The following CLIP4 variants were observed in gnomAD, a reference collection of about 807,000 sequenced individuals.
The protein encoded by CLIP4 is CAP-Gly domain containing linker protein family member 4.
A neutral mutation model predicts 73.1 loss-of-function variants in CLIP4; 47 were observed. The observed-to-expected ratio is 0.64, with a 90% confidence interval of 0.51 to 0.82. The LOEUF is 0.82. CLIP4 is among the 40% of genes least tolerant of loss of function. CLIP4 has a pLI of 0.00. For synonymous variants in CLIP4, 306 were observed against 295.4 expected, an observed-to-expected ratio of 1.04 and a Z score of -0.37; for missense variants, 874 against 852.9, an observed-to-expected ratio of 1.02 and a Z score of -0.31.
At chr2:29,132,546 C>A in intron 4 of CLIP4, 1 of 319,414 alleles carries the variant, frequency 3.1e-6, no homozygotes, top group East Asian at 6.0e-5. Context: ...CAAGGTTTGA[C>A]AGTCCAAGGT....
chr2:29,174,349 G>C, intron 14 of CLIP4, 24 bp from the exon 15 acceptor site: 1 of 1,587,422 alleles, frequency 6.3e-7, no homozygotes, highest in Non-Finnish European at 8.6e-7. Flanking sequence ...TTTTTCCTCT[G>C]CTAACCCCAA....
intron 14 of CLIP4, among the ~76,000 whole-genome samples, chr2:29,168,899 T>A (rs1667812442): frequency 1.3e-5 from 2 of 152,182 alleles, no homozygotes; most frequent in Admixed American, 6.5e-5. Flanking sequence ...TCTAAAAGAT[T>A]TATATTTTTG....
chr2:29,137,098 G>A (rs2147969624), intron 6 of CLIP4, among the ~76,000 whole-genome samples: 1 of 152,044 alleles, frequency 6.6e-6, no homozygotes, highest in Non-Finnish European at 1.5e-5. Context: ...ATATTGCCTG[G>A]TGCTGAGGTT....
chr2:29,109,059 T>G (rs1668311777), intron 1 of CLIP4, among the ~76,000 whole-genome samples: 1 of 152,222 alleles, frequency 6.6e-6, no homozygotes, highest in Non-Finnish European at 1.5e-5. Flanking sequence ...CCTCATGGTG[T>G]TTTTTAAAAA....
chr2:29,143,366 A>G (rs1418289673), intron 6 of CLIP4, among the ~76,000 whole-genome samples: 1 of 147,994 alleles, frequency 6.8e-6, no homozygotes, highest in Non-Finnish European at 1.5e-5. Context: ...CCCTACAACC[A>G]TCTCTGTCTC....
At chr2:29,145,658 C>G (rs1368315908) in intron 8 of CLIP4, among the ~76,000 whole-genome samples, 3 of 152,098 alleles carry the variant, frequency 2.0e-5, no homozygotes, top group African/African-American at 7.2e-5. Context: ...GTTAGCCTTG[C>G]ATTAGATCAG....
chr2:29,125,321 C>G (rs984547400), intron 2 of CLIP4, among the ~76,000 whole-genome samples: 4 of 152,186 alleles, frequency 2.6e-5, no homozygotes, highest in Non-Finnish European at 5.9e-5. Context: ...TCCCTGTAGT[C>G]CTTATGGATG....
intron 12 of CLIP4, among the ~76,000 whole-genome samples, chr2:29,163,300 AAAAAG>A (rs1198796829): frequency 2.6e-5 from 4 of 152,088 alleles, no homozygotes; most frequent in East Asian, 1.9e-4. Context: ...CTTGGGTGGA[AAAAAG>A]AAAAGAAAAA....
At chr2:29,125,750 A>G (rs898257998) in intron 2 of CLIP4, among the ~76,000 whole-genome samples, 2 of 151,966 alleles carry the variant, frequency 1.3e-5, no homozygotes, top group African/African-American at 4.8e-5. Flanking sequence ...TGTCTTGAAA[A>G]CCATTGTTCT....
chr2:29,155,420 A>G (rs77616591), intron 9 of CLIP4, among the ~76,000 whole-genome samples: 3,446 of 147,684 alleles, frequency 0.023, 138 homozygotes, highest in African/African-American at 0.08. Context: ...ACACACACAC[A>G]CACACAAGAG....
intron 14 of CLIP4, among the ~76,000 whole-genome samples, chr2:29,168,503 T>TG (rs1382269570): frequency 6.7e-6 from 1 of 149,786 alleles, no homozygotes; most frequent in African/African-American, 2.4e-5. Flanking sequence ...AAACAGGTTA[T>TG]GGTTTGCCCT....
At chr2:29,161,548 C>T (rs1056605662) in intron 12 of CLIP4, among the ~76,000 whole-genome samples, 2 of 152,120 alleles carry the variant, frequency 1.3e-5, no homozygotes, top group African/African-American at 4.8e-5. Context: ...ACTGTGAGTA[C>T]TAGAGTCATC....
chr2:29,160,308 C>T, intron 11 of CLIP4, 25 bp from the exon 12 acceptor site: 2 of 1,613,904 alleles, frequency 1.2e-6, no homozygotes, highest in Non-Finnish European at 1.7e-6. Flanking sequence ...TGCCCTGCCC[C>T]TGTATCCCTC....
chr2:29,172,348 G>A (rs1394045333), intron 14 of CLIP4, among the ~76,000 whole-genome samples: 1 of 152,074 alleles, frequency 6.6e-6, no homozygotes, highest in African/African-American at 2.4e-5. Context: ...GAAAGGGTCT[G>A]TTGGGTAACA....
At chr2:29,162,074 C>T (rs926012447) in intron 12 of CLIP4, among the ~76,000 whole-genome samples, 11 of 152,178 alleles carry the variant, frequency 7.2e-5, no homozygotes, top group South Asian at 6.2e-4. Context: ...AAAACTTAAC[C>T]GCACAGGTAG....
At chr2:29,101,312 GAAA>G (rs75588803) in intron 1 of CLIP4, among the ~76,000 whole-genome samples, 2 of 105,394 alleles carry the variant, frequency 1.9e-5, no homozygotes, top group African/African-American at 6.9e-5. Flanking sequence ...AAAAAAAAAA[GAAA>G]AAAAAAAAAA....
At chr2:29,125,128 G>A (rs62132775) in intron 2 of CLIP4, among the ~76,000 whole-genome samples, 1,767 of 152,158 alleles carry the variant, frequency 0.012, 25 homozygotes, top group Middle Eastern at 0.024. Flanking sequence ...CTTGGCCTGG[G>A]GCTAATTGTT....
intron 9 of CLIP4, among the ~76,000 whole-genome samples, chr2:29,155,057 A>T (rs6725323): frequency 0.37 from 55,863 of 152,134 alleles, 11,274 homozygotes; most frequent in East Asian, 0.71. Context: ...GGAAAAAGAC[A>T]GTCCAAGCAT....
chr2:29,107,202 A>C (rs1362933365), intron 1 of CLIP4, among the ~76,000 whole-genome samples: 2 of 152,102 alleles, frequency 1.3e-5, no homozygotes, highest in African/African-American at 2.4e-5. Flanking sequence ...GTTTACAGCC[A>C]ACTGGGATGA....
Sources: allele counts gnomAD v4.1 joint callset (sites outside exome capture counted in the v4.1 genomes callset), GRCh38; gene constraint gnomAD v4.1.1; transcripts MANE v1.5; gene names NCBI Gene and HGNC (gene_info 2026-07-23, HGNC 2026-07-21).